Variants in SGCZ observed in about 807,000 individuals in gnomAD.
SGCZ encodes the protein zeta-sarcoglycan.
In SGCZ, 40 loss-of-function variants were observed where a neutral mutation model predicts 41.3. The ratio of observed to expected loss-of-function variants is 0.97; its 90% confidence interval spans 0.75 to 1.26. The LOEUF (loss-of-function observed/expected upper bound fraction) is 1.26. Among genes scored for constraint, SGCZ ranks in the 50% most tolerant of loss-of-function variants. The pLI, the probability that SGCZ is intolerant of heterozygous loss-of-function variation, is 0.00. For missense variants in SGCZ, 552 were observed against 369.8 expected, an observed-to-expected ratio of 1.49 and a Z score of -4.04; for synonymous variants, 206 against 137.5, an observed-to-expected ratio of 1.50 and a Z score of -3.49.
intron 1 of SGCZ, among the ~76,000 whole-genome samples, chr8:14,949,559 A>G (rs1215919063): frequency 6.6e-6 from 1 of 152,090 alleles, no homozygotes; most frequent in African/African-American, 2.4e-5. Flanking sequence ...TACTTTGGAG[A>G]TCATTAAATC....
At chr8:14,416,561 C>A (rs1282330915) in intron 2 of SGCZ, among the ~76,000 whole-genome samples, 1 of 151,804 alleles carries the variant, frequency 6.6e-6, no homozygotes, top group Admixed American at 6.6e-5. Context: ...AAGAATAGAG[C>A]ATGAAAGTAA....
chr8:14,532,334 T>C (rs1429987176), intron 2 of SGCZ, among the ~76,000 whole-genome samples: 1 of 152,082 alleles, frequency 6.6e-6, no homozygotes, highest in Non-Finnish European at 1.5e-5. Context: ...GAATGGAGTC[T>C]TGGTAAAGCT....
intron 1 of SGCZ, among the ~76,000 whole-genome samples, chr8:14,859,861 T>C (rs979268411): frequency 1.3e-5 from 2 of 152,194 alleles, no homozygotes; most frequent in Non-Finnish European, 2.9e-5. Context: ...CCTCATATCT[T>C]GAATAGTGCC....
At chr8:14,283,401 A>G (rs1318394904) in intron 3 of SGCZ, among the ~76,000 whole-genome samples, 1 of 152,190 alleles carries the variant, frequency 6.6e-6, no homozygotes, top group African/African-American at 2.4e-5. Flanking sequence ...AGAGATGAGA[A>G]TATCTAATGT....
intron 1 of SGCZ, among the ~76,000 whole-genome samples, chr8:14,989,389 G>C (rs982742607): frequency 3.3e-5 from 5 of 152,110 alleles, no homozygotes; most frequent in African/African-American, 1.2e-4. Flanking sequence ...AGGAGGCTGA[G>C]GTGGGAGGAT....
chr8:14,477,558 T>C (rs1047802529), intron 2 of SGCZ, among the ~76,000 whole-genome samples: 1 of 152,174 alleles, frequency 6.6e-6, no homozygotes, highest in African/African-American at 2.4e-5. Flanking sequence ...TTTATTCTCC[T>C]TCAGTAGTTT....
chr8:14,959,536 A>G (rs1441406421), intron 1 of SGCZ, among the ~76,000 whole-genome samples: 2 of 152,162 alleles, frequency 1.3e-5, no homozygotes, highest in Non-Finnish European at 2.9e-5. Flanking sequence ...CAGCTGAATG[A>G]ATCATTTAAC....
chr8:14,759,521 C>T (rs1394366613), intron 1 of SGCZ, among the ~76,000 whole-genome samples: 1 of 152,082 alleles, frequency 6.6e-6, no homozygotes, highest in East Asian at 1.9e-4. Flanking sequence ...TAAAAGTTCA[C>T]AGAATGCTTT....
At chr8:14,233,925 C>G (rs1806664597) in intron 4 of SGCZ, among the ~76,000 whole-genome samples, 1 of 151,846 alleles carries the variant, frequency 6.6e-6, no homozygotes, top group African/African-American at 2.4e-5. Context: ...CTTTCTTTAA[C>G]CACTTCTCAA....
At chr8:14,446,963 C>G (rs565340402) in intron 2 of SGCZ, among the ~76,000 whole-genome samples, 1 of 152,124 alleles carries the variant, frequency 6.6e-6, no homozygotes, top group Non-Finnish European at 1.5e-5. Context: ...AAAAGATTAA[C>G]TTTCAAGCAA....
At chr8:14,999,166 T>A (rs1349926800) in intron 1 of SGCZ, among the ~76,000 whole-genome samples, 1 of 152,210 alleles carries the variant, frequency 6.6e-6, no homozygotes. Context: ...CACACATATA[T>A]GAGAAACGGT....
chr8:14,139,727 T>A (rs1239170712), intron 5 of SGCZ, among the ~76,000 whole-genome samples: 1 of 152,106 alleles, frequency 6.6e-6, no homozygotes. Context: ...CAGGACTTCA[T>A]GGATTCACAG....
chr8:14,244,077 G>A (rs1159257207), intron 3 of SGCZ, among the ~76,000 whole-genome samples: 1 of 152,110 alleles, frequency 6.6e-6, no homozygotes, highest in African/African-American at 2.4e-5. Context: ...GGCTACATGG[G>A]TTTAAGTGGA....
At chr8:14,101,852 T>A (rs1345524350) in intron 7 of SGCZ, among the ~76,000 whole-genome samples, 3 of 151,892 alleles carry the variant, frequency 2.0e-5, no homozygotes, top group Non-Finnish European at 4.4e-5. Flanking sequence ...AAAGAAGTGC[T>A]TTGTGGAAAA....
chr8:14,214,075 C>T (rs1260725530), intron 4 of SGCZ, among the ~76,000 whole-genome samples: 2 of 152,028 alleles, frequency 1.3e-5, no homozygotes, highest in Non-Finnish European at 2.9e-5. Flanking sequence ...AAACGTTAAC[C>T]AGGTGATCAA....
chr8:14,706,981 CTTTT>C (rs559486370), intron 1 of SGCZ, among the ~76,000 whole-genome samples: 1 of 126,970 alleles, frequency 7.9e-6, no homozygotes, highest in African/African-American at 2.8e-5. Context: ...TTAGTCAATT[CTTTT>C]TTTTTTTTTT....
At chr8:14,860,234 CG>C (rs1429047533) in intron 1 of SGCZ, among the ~76,000 whole-genome samples, 1 of 150,870 alleles carries the variant, frequency 6.6e-6, no homozygotes, top group Admixed American at 6.6e-5. Context: ...TTATGACCTT[CG>C]TTCGAAAATG....
At chr8:14,408,855 G>C (rs748974235) in intron 2 of SGCZ, among the ~76,000 whole-genome samples, 1 of 152,028 alleles carries the variant, frequency 6.6e-6, no homozygotes, top group Non-Finnish European at 1.5e-5. Context: ...TCATGATTGA[G>C]ACCTTCTCTG....
At chr8:14,581,548 T>C (rs1008828697) in intron 1 of SGCZ, among the ~76,000 whole-genome samples, 1 of 152,084 alleles carries the variant, frequency 6.6e-6, no homozygotes, top group Non-Finnish European at 1.5e-5. Context: ...CAACATTAAG[T>C]AATAAACACC....
Sources: allele counts gnomAD v4.1 joint callset (sites outside exome capture counted in the v4.1 genomes callset), GRCh38; gene constraint gnomAD v4.1.1; transcripts MANE v1.5; gene names NCBI Gene and HGNC (gene_info 2026-07-23, HGNC 2026-07-21).